SAMD14: variants seen among roughly 807,000 people sequenced by gnomAD.
SAMD14 encodes the protein sterile alpha motif domain containing 14, also known as sterile alpha motif domain-containing protein 14.
SAMD14 carries 27 observed loss-of-function variants against 46.2 expected under a neutral mutation model. The observed-to-expected ratio is 0.58, with a 90% CI of 0.43 to 0.81. SAMD14 has a LOEUF of 0.81. SAMD14 is among the 30% of genes least tolerant of loss of function. SAMD14 has a pLI of 0.00. For synonymous variants in SAMD14, 241 were observed against 254.3 expected (o/e 0.95, Z 0.50); for missense variants, 559 against 582.2 (o/e 0.96, Z 0.41).
At chr17:50,118,358 G>A (rs1276634508) in intron 2 of SAMD14, 31 bp from the exon 3 acceptor site, 1 of 1,605,698 alleles carries the variant, frequency 6.2e-7, no homozygotes, top group African/African-American at 1.3e-5. Flanking sequence ...GCAGAGACCA[G>A]ACACATGAGA....
Position 50,115,065 on chromosome 17 carries a change from T to TAAAC in SAMD14, c.822+495_822+498dup, listed in dbSNP as rs1166833058. On this transcript the variant is annotated intron_variant, in intron 7 of 9. Coordinates refer to ENST00000330175, the MANE Select transcript of SAMD14 (RefSeq NM_001257359.2). This position sits in a 1 kb window ranked among gnomAD's most constrained non-coding sequence, Gnocchi z 5.3. ...AAGCAGAAACGCATTTGGGGCTTTG[T>TAAAC]AAACTGTAGAGGGCGCTCTGAACAT... The TAAAC allele has an allele frequency of 6.5e-6, 1 of 154,842 alleles. No homozygotes were observed. The highest frequency in any genetic ancestry group is 1.4e-5 in the Non-Finnish European group (1 of 69,988). The allele number at this position is 154,842 out of a possible 1,614,324, so 9.6% of individuals were successfully genotyped here.
intron 2 of SAMD14, among the ~76,000 whole-genome samples, chr17:50,124,605 A>C (rs1003386442): frequency 9.2e-5 from 14 of 152,126 alleles, no homozygotes; most frequent in African/African-American, 3.4e-4. Context: ...CATTATTGTA[A>C]GGGTTAACTA....
intron 9 of SAMD14, 67 bp downstream of exon 9, chr17:50,113,857 G>T (rs899196505): frequency 1.3e-6 from 2 of 1,586,002 alleles, no homozygotes; most frequent in East Asian, 2.2e-5. Context: ...CAGGATGAGG[G>T]ACTTCAAATC....
chr17:50,120,099 C>T (rs796669826), intron 2 of SAMD14, among the ~76,000 whole-genome samples: 10 of 152,152 alleles, frequency 6.6e-5, no homozygotes, highest in African/African-American at 2.2e-4. Context: ...AGGGGGAGGG[C>T]GTGGATGGGA....
intron 1 of SAMD14, 154 bp from the exon 2 acceptor site, chr17:50,125,125 C>T: frequency 1.5e-6 from 1 of 665,696 alleles, no homozygotes; most frequent in Non-Finnish European, 2.6e-6. Context: ...GGAAGAGAAG[C>T]CACTGGAATC....
At chr17:50,118,458 G>A in intron 2 of SAMD14, 131 bp from the exon 3 acceptor site, 1 of 1,048,826 alleles carries the variant, frequency 9.5e-7, no homozygotes, top group African/African-American at 1.6e-5. Context: ...TGGGAGCACA[G>A]ACAGATGAAA....
chr17:50,112,649 C>T lies in SAMD14; in HGVS notation c.*244G>A. On this transcript the variant is annotated 3_prime_UTR_variant, in exon 10 of 10. Transcript: ENST00000330175. ...CTCTCCCCTTCATCTGCTCCTCCCC[C>T]AGGAACTCTGTGCCAAACAAGTCCT... The T allele has an allele frequency of 4.5e-6, 2 of 442,690 alleles. No individual in the cohort carries two copies. Among genetic ancestry groups the T allele is most frequent in the Non-Finnish European group, 8.0e-6 (2 of 250,018 alleles). 27.4% of individuals were successfully genotyped at this position (442,690 alleles called of 1,614,324 possible).
intron 2 of SAMD14, 35 bp from the exon 3 acceptor site, chr17:50,118,362 C>T (rs780960762): frequency 1.9e-6 from 3 of 1,604,238 alleles, no homozygotes; most frequent in Admixed American, 1.7e-5. Flanking sequence ...AGACCAGACA[C>T]ATGAGAGGTG....
chr17:50,128,776 C>T (rs1424580620), intron 1 of SAMD14, among the ~76,000 whole-genome samples: 1 of 152,108 alleles, frequency 6.6e-6, no homozygotes, highest in South Asian at 2.1e-4. Flanking sequence ...GACACACAAA[C>T]TGGCGGAGAG....
At chr17:50,119,663 G>A (rs574709243) in intron 2 of SAMD14, among the ~76,000 whole-genome samples, 35 of 152,218 alleles carry the variant, frequency 2.3e-4, no homozygotes, top group African/African-American at 7.9e-4. Flanking sequence ...CCTCAAACCA[G>A]CTTCTACTCT....
intron 2 of SAMD14, among the ~76,000 whole-genome samples, chr17:50,119,835 T>G (rs967666586): frequency 2.0e-5 from 3 of 152,126 alleles, no homozygotes; most frequent in Non-Finnish European, 4.4e-5. Context: ...GTCTTCAGCC[T>G]ACAGGTGCTG....
rs1314279049 is a variant in SAMD14, at chr17:50,111,677, A to G, written c.*1216T>C. The G allele has an allele frequency of 6.6e-6, 1 of 152,310 alleles. No individual in the cohort carries two copies. Among genetic ancestry groups the G allele is most frequent in the Non-Finnish European group, 1.5e-5 (1 of 68,122 alleles). 9.4% of individuals were successfully genotyped at this position (152,310 alleles called of 1,614,324 possible). ...TTCCAAGCGGGAGCCCCCAGGCCTC[A>G]TCGGTAACTCTGACCAGTGTCCTGG... On this transcript the variant is annotated 3_prime_UTR_variant, in exon 10 of 10. Transcript: ENST00000330175.
intron 1 of SAMD14, chr17:50,125,311 C>A: frequency 3.9e-6 from 1 of 258,530 alleles, no homozygotes; most frequent in Admixed American, 4.9e-5. Flanking sequence ...TGGGCCTTCG[C>A]ATCATTAGCA....
chr17:50,116,097 A>G lies in SAMD14; in HGVS notation c.500-7T>C, dbSNP rs772632116. 2.5e-6 allele frequency: 4 copies of G among 1,609,750 alleles called. No individual in the cohort carries two copies. The highest frequency in any genetic ancestry group is 2.5e-6 in the Non-Finnish European group (3 of 1,176,876). On this transcript the variant is annotated splice_region_variant and splice_polypyrimidine_tract_variant and intron_variant, in intron 4 of 9. Transcript: ENST00000330175. ...CTGGCGTCACGGCTGTCATCTTTCC[A>G]GGGAGAGAAGGAAGGAAACTGCCTG...
chr17:50,114,791 G>A (rs144903991), intron 7 of SAMD14: 22 of 191,240 alleles, frequency 1.2e-4, no homozygotes, highest in African/African-American at 4.7e-4. Context: ...AAGGAGGAAA[G>A]AAGGAAGTTC....
intron 2 of SAMD14, among the ~76,000 whole-genome samples, chr17:50,123,823 G>C (rs985284338): frequency 9.9e-5 from 15 of 152,158 alleles, no homozygotes; most frequent in Non-Finnish European, 1.0e-4. Flanking sequence ...GTAGAGGGTA[G>C]GGAGGTTGGG....
chr17:50,127,166 A>T (rs995565258), intron 1 of SAMD14, among the ~76,000 whole-genome samples: 1 of 152,072 alleles, frequency 6.6e-6, no homozygotes, highest in African/African-American at 2.4e-5. Context: ...ATAATAATAA[A>T]AGAGGCAGAA....
chr17:50,113,024 C>A lies in SAMD14; in HGVS notation c.1123G>T (p.Asp375Tyr). 6.2e-7 allele frequency: 1 copy of A among 1,612,506 alleles called. No homozygotes were observed. The highest frequency in any genetic ancestry group is 1.1e-5 in the South Asian group (1 of 91,072). Residue 375 changes from aspartate (D) to tyrosine (Y), a missense_variant, in exon 10 of 10, where the codon GAC becomes TAC. Transcript: ENST00000330175. Reference protein sequence around the residue: ...LKSLGLSNSHDRALVKRKLKE... With the variant: ...LKSLGLSNSHYRALVKRKLKE... Reference sequence around the variant, plus strand: ...AACTTGCGCTTCACCAGTGCCCGGTCATGAGAGTTGCTGAGCCCCAGGCTC... The same window carrying A: ...AACTTGCGCTTCACCAGTGCCCGGTAATGAGAGTTGCTGAGCCCCAGGCTC...
intron 4 of SAMD14, among the ~76,000 whole-genome samples, chr17:50,116,729 A>G (rs1024577916): frequency 2.0e-5 from 3 of 152,052 alleles, no homozygotes; most frequent in Non-Finnish European, 2.9e-5. Context: ...CATCTAACCA[A>G]CCTTCCAAAC....
Sources: gnomAD v4.1 joint callset for allele counts (sites outside exome capture counted in the v4.1 genomes callset) on GRCh38, gnomAD v4.1.1 for gene constraint, Gnocchi (gnomAD v3.1) non-coding constraint, MANE v1.5 for transcripts, NCBI Gene and HGNC (gene_info 2026-07-23, HGNC 2026-07-21) for gene names.